The following CSRNP3 variants were observed in gnomAD, a reference collection of about 807,000 sequenced individuals.
CSRNP3 encodes cysteine/serine-rich nuclear protein 3.
A neutral mutation model predicts 48.0 loss-of-function variants in CSRNP3; 12 were observed. The ratio of observed to expected loss-of-function variants is 0.25; its 90% confidence interval spans 0.16 to 0.41. The LOEUF is 0.41. Ranked by LOEUF, CSRNP3 falls within the 10% of genes least tolerant of loss-of-function variation. The pLI is 1.00. For missense variants in CSRNP3, 580 were observed against 724.4 expected (o/e 0.80, Z 2.29); for synonymous variants, 263 against 269.7 (o/e 0.98, Z 0.24).
At chr2:165,516,095 T>C (rs905553579) in intron 2 of CSRNP3, among the ~76,000 whole-genome samples, 1 of 152,130 alleles carries the variant, frequency 6.6e-6, no homozygotes, top group Admixed American at 6.5e-5. Flanking sequence ...CATGAGCCAC[T>C]GTGCCCGGCC....
At chr2:165,591,519 C>G (rs997806538) in intron 3 of CSRNP3, among the ~76,000 whole-genome samples, 3 of 152,148 alleles carry the variant, frequency 2.0e-5, no homozygotes, top group Non-Finnish European at 4.4e-5. Context: ...GAAGCTCCTC[C>G]CATCACAAGC....
chr2:165,613,118 T>G (rs1281679229), intron 4 of CSRNP3, among the ~76,000 whole-genome samples: 1 of 152,078 alleles, frequency 6.6e-6, no homozygotes, highest in African/African-American at 2.4e-5. Flanking sequence ...GCCATTCTAG[T>G]TGGAGTGACA....
chr2:165,493,537 C>T (rs1684247227), intron 1 of CSRNP3, among the ~76,000 whole-genome samples: 1 of 152,058 alleles, frequency 6.6e-6, no homozygotes, highest in Admixed American at 6.6e-5. Flanking sequence ...CTAAAAATTG[C>T]TCCTTTGACT....
At chr2:165,640,999 A>G (rs528921058) in intron 4 of CSRNP3, among the ~76,000 whole-genome samples, 1 of 152,248 alleles carries the variant, frequency 6.6e-6, no homozygotes, top group Non-Finnish European at 1.5e-5. Flanking sequence ...AACATCACTA[A>G]TAGAAGCAAC....
At chr2:165,481,954 A>C (rs1204638268) in intron 1 of CSRNP3, among the ~76,000 whole-genome samples, 1 of 152,142 alleles carries the variant, frequency 6.6e-6, no homozygotes, top group Non-Finnish European at 1.5e-5. Context: ...GGGAAGGTGG[A>C]CTGGAAGGCT....
chr2:165,530,000 G>A (rs1221222655), intron 3 of CSRNP3, among the ~76,000 whole-genome samples: 1 of 152,172 alleles, frequency 6.6e-6, no homozygotes, highest in East Asian at 1.9e-4. Flanking sequence ...GATTGCAAAT[G>A]TTTTTTAAAA....
intron 3 of CSRNP3, among the ~76,000 whole-genome samples, chr2:165,553,990 C>T (rs1352714107): frequency 6.6e-6 from 1 of 152,190 alleles, no homozygotes; most frequent in African/African-American, 2.4e-5. Flanking sequence ...TCTGATCAGG[C>T]ATTGTCTTTA....
chr2:165,482,941 G>A (rs1472447790), intron 1 of CSRNP3, among the ~76,000 whole-genome samples: 3 of 151,998 alleles, frequency 2.0e-5, no homozygotes, highest in Admixed American at 6.6e-5. Context: ...TTAACCTCCT[G>A]TAATCAACCT....
intron 3 of CSRNP3, among the ~76,000 whole-genome samples, chr2:165,560,307 G>C (rs1020736195): frequency 6.6e-6 from 1 of 152,142 alleles, no homozygotes; most frequent in Non-Finnish European, 1.5e-5. Context: ...CCTAGAAGCA[G>C]AAGAAATTAC....
chr2:165,650,207 C>T (rs572030035), intron 4 of CSRNP3, among the ~76,000 whole-genome samples: 28 of 152,012 alleles, frequency 1.8e-4, no homozygotes, highest in Non-Finnish European at 2.9e-4. Flanking sequence ...TTTAAAAAGA[C>T]GACTGGGGCA....
intron 3 of CSRNP3, among the ~76,000 whole-genome samples, chr2:165,589,227 A>C (rs1445024677): frequency 6.6e-6 from 1 of 152,158 alleles, no homozygotes; most frequent in African/African-American, 2.4e-5. Context: ...CTTCTCACTA[A>C]ATCCTTATAT....
chr2:165,559,434 A>T (rs1280188066), intron 3 of CSRNP3, among the ~76,000 whole-genome samples: 4 of 152,206 alleles, frequency 2.6e-5, no homozygotes, highest in Admixed American at 1.3e-4. Context: ...TTACTATCTT[A>T]ATTTTTAGCT....
intron 5 of CSRNP3, among the ~76,000 whole-genome samples, chr2:165,662,672 T>C (rs1047514263): frequency 2.0e-5 from 3 of 152,252 alleles, no homozygotes; most frequent in Admixed American, 6.5e-5. Flanking sequence ...TTAAAGAACA[T>C]TGGTGTTCCA....
At chr2:165,525,730 C>G (rs969292617) in intron 3 of CSRNP3, among the ~76,000 whole-genome samples, 1 of 152,226 alleles carries the variant, frequency 6.6e-6, no homozygotes, top group Admixed American at 6.5e-5. Flanking sequence ...AAGTGGCCCA[C>G]CTGCCTCAGC....
At position 165,668,670 on chromosome 2, in the gene CSRNP3, G is replaced by A. The variant is rs559695106; in HGVS notation, c.409-7642G>A. Among the ~76,000 whole-genome samples the A allele has an allele frequency of 7.0e-4, 107 of 152,128 alleles. 1 individual carries two copies. Among genetic ancestry groups the A allele is most frequent in the African/African-American group, 2.5e-3 (102 of 41,524 alleles). Reference sequence around the variant, plus strand: ...CTGCTTCAGCCTCCCAAAGTGCTGGGGTTACAGGTGTCAGCCACCACGCCC... The same window carrying A: ...CTGCTTCAGCCTCCCAAAGTGCTGGAGTTACAGGTGTCAGCCACCACGCCC... On this transcript the variant is annotated intron_variant, in intron 5 of 6. Coordinates refer to ENST00000651982, the MANE Select transcript of CSRNP3 (RefSeq NM_001172173.2).
chr2:165,591,332 A>G (rs1357899548), intron 3 of CSRNP3, among the ~76,000 whole-genome samples: 1 of 152,190 alleles, frequency 6.6e-6, no homozygotes, highest in Non-Finnish European at 1.5e-5. Context: ...ATTCAAAAGG[A>G]AGTAGAGCAT....
intron 3 of CSRNP3, among the ~76,000 whole-genome samples, chr2:165,538,576 T>G (rs1237003334): frequency 1.3e-5 from 2 of 151,884 alleles, no homozygotes; most frequent in Non-Finnish European, 2.9e-5. Flanking sequence ...AAAGAGCCAT[T>G]GTGTGGAATT....
chr2:165,637,366 G>C (rs1317853856), intron 4 of CSRNP3, among the ~76,000 whole-genome samples: 1 of 152,220 alleles, frequency 6.6e-6, no homozygotes, highest in African/African-American at 2.4e-5. Context: ...GTGGGTGTGA[G>C]TATGCCCTGT....
chr2:165,478,731 C>T (rs539820268), intron 1 of CSRNP3, among the ~76,000 whole-genome samples: 2 of 152,332 alleles, frequency 1.3e-5, no homozygotes, highest in African/African-American at 4.8e-5. Context: ...TTAAAGAGCA[C>T]AGTCTACGGA....
Sources: allele counts gnomAD v4.1 joint callset (sites outside exome capture counted in the v4.1 genomes callset), GRCh38; gene constraint gnomAD v4.1.1; transcripts MANE v1.5; gene names NCBI Gene and HGNC (gene_info 2026-07-23, HGNC 2026-07-21).